The following XKR9 variants were observed in gnomAD, a reference collection of about 807,000 sequenced individuals.
XKR9 encodes XK related 9.
A neutral mutation model predicts 32.0 loss-of-function variants in XKR9; 32 were observed. The ratio of observed to expected loss-of-function variants is 1.00; its 90% CI spans 0.76 to 1.34. The LOEUF (loss-of-function observed/expected upper bound fraction) is 1.34, where lower values mean the gene tolerates loss of function less well. XKR9 is among the 40% of genes most tolerant of loss of function. The probability of loss-of-function intolerance (pLI) is 0.00; values close to 1 mark genes in which losing one functional copy is unlikely to be tolerated. For missense variants in XKR9, 546 were observed against 429.7 expected (o/e 1.27, Z -2.39); for synonymous variants, 168 against 143.4 (o/e 1.17, Z -1.22).
the XKR9 span, among the ~76,000 whole-genome samples, chr8:71,006,281 C>T: frequency 3.9e-5 from 6 of 152,112 alleles, no homozygotes; most frequent in South Asian, 2.1e-4. Flanking sequence ...GCTTTGAATG[C>T]GACTCAATAC....
chr8:70,804,422 C>A, the XKR9 span, among the ~76,000 whole-genome samples: 1 of 152,144 alleles, frequency 6.6e-6, no homozygotes, highest in Non-Finnish European at 1.5e-5. Flanking sequence ...GATTCAAATT[C>A]TTTTTTTCTA....
At chr8:70,977,159 C>T in the XKR9 span, among the ~76,000 whole-genome samples, 2 of 151,672 alleles carry the variant, frequency 1.3e-5, no homozygotes, top group South Asian at 4.2e-4. Flanking sequence ...TCTTTTGGTT[C>T]TTTTTAATTT....
At chr8:70,932,352 A>G in the XKR9 span, among the ~76,000 whole-genome samples, 1 of 152,134 alleles carries the variant, frequency 6.6e-6, no homozygotes, top group Non-Finnish European at 1.5e-5. Flanking sequence ...TAAATAATTT[A>G]TAGAATACAG....
intron 2 of XKR9, among the ~76,000 whole-genome samples, chr8:70,786,768 A>G (rs981361278): frequency 2.6e-5 from 4 of 152,042 alleles, no homozygotes; most frequent in Admixed American, 2.6e-4. Flanking sequence ...ACATTCAGGG[A>G]AATTATCATT....
intron 3 of XKR9, chr8:70,683,632 C>T (rs964519496): frequency 2.4e-5 from 10 of 416,674 alleles, no homozygotes; most frequent in African/African-American, 2.1e-4. Context: ...GGATTACAGG[C>T]ATGTGCCATG....
the XKR9 span, among the ~76,000 whole-genome samples, chr8:71,017,741 C>G: frequency 6.6e-6 from 1 of 152,150 alleles, no homozygotes; most frequent in African/African-American, 2.4e-5. Context: ...CTCATGAGCT[C>G]GGGTACTCCC....
At chr8:70,822,258 A>G in the XKR9 span, among the ~76,000 whole-genome samples, 1 of 152,092 alleles carries the variant, frequency 6.6e-6, no homozygotes, top group Admixed American at 6.5e-5. Flanking sequence ...CCGGGCAATA[A>G]TTTGATTAAA....
intron 3 of XKR9, among the ~76,000 whole-genome samples, chr8:70,685,860 T>G (rs1250283479): frequency 6.6e-6 from 1 of 151,678 alleles, no homozygotes; most frequent in East Asian, 1.9e-4. Context: ...ATTGTGCACA[T>G]GTACTCTAAA....
At chr8:70,927,117 A>G in the XKR9 span, among the ~76,000 whole-genome samples, 1 of 152,022 alleles carries the variant, frequency 6.6e-6, no homozygotes, top group East Asian at 1.9e-4. Context: ...CATACACACA[A>G]GGAACTTGGT....
intron 2 of XKR9, among the ~76,000 whole-genome samples, chr8:70,764,759 A>T (rs1807352784): frequency 6.6e-6 from 1 of 151,906 alleles, no homozygotes. Flanking sequence ...ACCCCCTGAC[A>T]GGCCCTGGTG....
chr8:71,031,703 A>G, the XKR9 span, among the ~76,000 whole-genome samples: 2 of 152,200 alleles, frequency 1.3e-5, no homozygotes, highest in East Asian at 1.9e-4. Context: ...TGCTTTCACA[A>G]TTGTTTTTTC....
At chr8:70,904,435 C>G in the XKR9 span, among the ~76,000 whole-genome samples, 3 of 148,714 alleles carry the variant, frequency 2.0e-5, no homozygotes, top group Non-Finnish European at 4.4e-5. Context: ...ACTGGGATTA[C>G]AAACCCTGCT....
chr8:70,762,047 A>G lies in XKR9; in HGVS notation n.353-27292A>G, dbSNP rs188216287. ...ATTTCTTGGTTCTCTATTCTGTTCCATTGGTCTACGTGTCTGTTCTTGTAC... is the reference window on the plus strand; with the variant it reads ...ATTTCTTGGTTCTCTATTCTGTTCCGTTGGTCTACGTGTCTGTTCTTGTAC... On this transcript the variant is annotated intron_variant and non_coding_transcript_variant, in intron 2 of 3. Transcript: ENST00000520273. Among the ~76,000 whole-genome samples, 16 of 152,060 alleles carry G rather than the reference A, an allele frequency of 1.1e-4. No individual in the cohort carries two copies. The East Asian group carries it at 2.7e-3, about 26-fold the overall frequency.
chr8:70,935,598 T>C, the XKR9 span, among the ~76,000 whole-genome samples: 1 of 152,028 alleles, frequency 6.6e-6, no homozygotes, highest in African/African-American at 2.4e-5. Context: ...TTTGTTTTAC[T>C]TTGCAATTAA....
chr8:70,980,068 A>T, the XKR9 span, among the ~76,000 whole-genome samples: 1 of 152,230 alleles, frequency 6.6e-6, no homozygotes, highest in Non-Finnish European at 1.5e-5. Context: ...CCACTGAGCC[A>T]ATCGTGGGAT....
the XKR9 span, among the ~76,000 whole-genome samples, chr8:70,891,566 A>G: frequency 1.3e-5 from 2 of 151,916 alleles, no homozygotes; most frequent in African/African-American, 4.8e-5. Context: ...TTCATAGCAC[A>G]TTGTTTAATT....
chr8:71,009,381 A>G, the XKR9 span, among the ~76,000 whole-genome samples: 3 of 140,178 alleles, frequency 2.1e-5, no homozygotes, highest in South Asian at 6.5e-4. Flanking sequence ...AGTGTATTTT[A>G]TGTGTGGCCC....
At chr8:70,671,111 A>G (rs1024344811) in intron 1 of XKR9, among the ~76,000 whole-genome samples, 1 of 152,220 alleles carries the variant, frequency 6.6e-6, no homozygotes, top group Non-Finnish European at 1.5e-5. Context: ...AGCTCACTGT[A>G]ACCTTGAACT....
chr8:70,815,509 T>TATTATTTATTTA, the XKR9 span, among the ~76,000 whole-genome samples: 1 of 141,762 alleles, frequency 7.1e-6, no homozygotes, highest in Non-Finnish European at 1.5e-5. Flanking sequence ...CATTCCTTTA[T>TATTATTTATTTA]TTTATTTATT....
Sources: gnomAD v4.1 joint callset for allele counts (sites outside exome capture counted in the v4.1 genomes callset) on GRCh38, gnomAD v4.1.1 for gene constraint, MANE v1.5 for transcripts, NCBI Gene and HGNC (gene_info 2026-07-23, HGNC 2026-07-21) for gene names.